The following ADGRL2 variants were observed in gnomAD, a reference collection of about 807,000 sequenced individuals.
ADGRL2 encodes calcium-independent alpha-latrotoxin receptor 2.
Under a neutral mutation model 157.4 loss-of-function variants are expected in ADGRL2, and 44 were observed. That is an observed-to-expected ratio of 0.28 (90% confidence interval 0.22 to 0.36). ADGRL2 has a LOEUF of 0.36. Among genes scored for constraint, ADGRL2 ranks in the 10% least tolerant of loss-of-function variants. The probability of loss-of-function intolerance (pLI) is 1.00; values close to 1 mark genes in which losing one functional copy is unlikely to be tolerated. For missense variants in ADGRL2, 1,510 were observed against 1,768.9 expected, an observed-to-expected ratio of 0.85 and a Z score of 2.63; for synonymous variants, 585 against 624.7, an observed-to-expected ratio of 0.94 and a Z score of 0.95.
chr1:81,372,035 C>T (rs148166717), intron 1 of ADGRL2, among the ~76,000 whole-genome samples: 1 of 152,194 alleles, frequency 6.6e-6, no homozygotes, highest in African/African-American at 2.4e-5. Context: ...AGATCTCTGT[C>T]CCGAGACCAG....
At chr1:81,458,962 G>A (rs1350481895) in intron 2 of ADGRL2, among the ~76,000 whole-genome samples, 2 of 152,136 alleles carry the variant, frequency 1.3e-5, no homozygotes, top group Non-Finnish European at 2.9e-5. Flanking sequence ...GTGGGGCAGA[G>A]AATAATTTTA....
intron 3 of ADGRL2, among the ~76,000 whole-genome samples, chr1:81,651,089 A>T (rs191348911): frequency 1.3e-5 from 2 of 152,336 alleles, no homozygotes; most frequent in African/African-American, 4.8e-5. Context: ...TTTAAGGGAG[A>T]TCAGAATAGA....
rs182433715 is a variant in ADGRL2, at chr1:81,502,500, C to G, written c.-248+57411C>G. The G allele has an allele frequency of 5.9e-5, 96 of 1,614,034 alleles. No individual in the cohort carries two copies. In the East Asian group the frequency reaches 1.6e-3, roughly 26 times the overall value. ...AGGCGGACCCCCATCAACCGAATCC[C>G]CATCATGGCCAAACAGATCCTGGAC... On this transcript the variant is annotated intron_variant, in intron 2 of 24. Transcript: ENST00000370721.
At chr1:81,439,938 C>T (rs2077476611) in intron 1 of ADGRL2, among the ~76,000 whole-genome samples, 1 of 152,200 alleles carries the variant, frequency 6.6e-6, no homozygotes. Context: ...ATGAAAATGG[C>T]TCTAAAAGGC....
intron 2 of ADGRL2, among the ~76,000 whole-genome samples, chr1:81,786,162 A>G (rs931626994): frequency 4.6e-5 from 7 of 152,338 alleles, no homozygotes; most frequent in African/African-American, 1.7e-4. Flanking sequence ...GTGTTGGCCT[A>G]TAATCATGCT....
intron 1 of ADGRL2, among the ~76,000 whole-genome samples, chr1:81,743,545 A>C (rs898876334): frequency 3.3e-5 from 5 of 152,034 alleles, no homozygotes; most frequent in Admixed American, 1.3e-4. Flanking sequence ...AGGAATTATT[A>C]TTAGAAGAAT....
intron 3 of ADGRL2, among the ~76,000 whole-genome samples, chr1:81,604,645 A>T (rs1378838782): frequency 6.6e-6 from 1 of 152,174 alleles, no homozygotes; most frequent in Non-Finnish European, 1.5e-5. Context: ...TCATGGGCAA[A>T]TCAAGAGAGC....
chr1:81,595,208 G>A (rs926897545), intron 3 of ADGRL2, among the ~76,000 whole-genome samples: 7 of 152,156 alleles, frequency 4.6e-5, no homozygotes, highest in Admixed American at 4.6e-4. Context: ...GTTTAAAATT[G>A]AGAAGTGCAA....
At chr1:81,549,375 C>A (rs535749019) in intron 2 of ADGRL2, among the ~76,000 whole-genome samples, 1 of 152,292 alleles carries the variant, frequency 6.6e-6, no homozygotes, top group African/African-American at 2.4e-5. Context: ...TCTGCAACCA[C>A]AAAATAGTTT....
At chr1:81,690,884 C>A (rs2083318745) in intron 3 of ADGRL2, among the ~76,000 whole-genome samples, 1 of 152,132 alleles carries the variant, frequency 6.6e-6, no homozygotes, top group Admixed American at 6.5e-5. Flanking sequence ...GTAATCTAAA[C>A]CTTATTGGGC....
At chr1:81,648,791 A>G (rs2082359217) in intron 3 of ADGRL2, among the ~76,000 whole-genome samples, 1 of 152,204 alleles carries the variant, frequency 6.6e-6, no homozygotes, top group African/African-American at 2.4e-5. Flanking sequence ...GCCTGAAATA[A>G]TTGAGAAAAG....
chr1:81,391,227 G>A (rs1311628636), intron 1 of ADGRL2, among the ~76,000 whole-genome samples: 6 of 152,304 alleles, frequency 3.9e-5, no homozygotes, highest in Non-Finnish European at 8.8e-5. Flanking sequence ...CCGGACTGTT[G>A]ATATAGGAGT....
chr1:81,986,802 G>T, intron 21 of ADGRL2, 99 bp from the exon 22 acceptor site: 2 of 1,237,986 alleles, frequency 1.6e-6, no homozygotes, highest in Non-Finnish European at 2.3e-6. Context: ...CACTACCCTT[G>T]ATGAATATAA....
chr1:81,319,909 C>A (rs1170281555), intron 1 of ADGRL2, among the ~76,000 whole-genome samples: 1 of 152,124 alleles, frequency 6.6e-6, no homozygotes, highest in Admixed American at 6.6e-5. Context: ...AATAAGACAA[C>A]AATGAAGTTT....
intron 1 of ADGRL2, among the ~76,000 whole-genome samples, chr1:81,311,021 T>A (rs909687525): frequency 6.6e-6 from 1 of 152,154 alleles, no homozygotes; most frequent in Non-Finnish European, 1.5e-5. Flanking sequence ...TCTAAAAAGA[T>A]GTCAATTTCC....
intron 1 of ADGRL2, among the ~76,000 whole-genome samples, chr1:81,812,761 C>T (rs778135395): frequency 3.3e-5 from 5 of 151,716 alleles, no homozygotes; most frequent in Admixed American, 1.3e-4. Flanking sequence ...AACAGAAAAA[C>T]GATCGCTTTG....
At chr1:81,355,916 C>G (rs78091045) in intron 1 of ADGRL2, among the ~76,000 whole-genome samples, 14,568 of 145,008 alleles carry the variant, frequency 0.1, 931 homozygotes, top group Non-Finnish European at 0.13. Context: ...AGACCCTCAT[C>G]TTGTGCCAAA....
Position 81,427,888 on chromosome 1 carries a change from G to GTAGCT in ADGRL2, c.-301-17146_-301-17142dup, listed in dbSNP as rs2077247413. On this transcript the variant is annotated intron_variant, in intron 1 of 24. Coordinates refer to the ADGRL2 transcript ENST00000370721. Reference sequence around the variant, plus strand: ...ATACTCCTGAGGTCTTTTATCTGTGGTAGCTTTTTCTTCTTCTTTTTCTTT... The same window carrying GTAGCT: ...ATACTCCTGAGGTCTTTTATCTGTGGTAGCTTAGCTTTTTCTTCTTCTTTTTCTTT... Among the ~76,000 whole-genome samples, 3 of 152,284 alleles carry GTAGCT rather than the reference G, an allele frequency of 2.0e-5. No individual in the cohort carries two copies. In the South Asian group the frequency reaches 6.2e-4, roughly 32 times the overall value.
At position 81,972,807 on chromosome 1, in the gene ADGRL2, G is replaced by A. The variant is rs148465609; in HGVS notation, c.3021+889G>A. 9.9e-5 allele frequency among the ~76,000 whole-genome samples: 15 copies of A among 151,958 alleles called. No homozygotes were observed. The East Asian group carries it at 2.9e-3, about 29-fold the overall frequency. ...CATTCCTGTAGTCCCAGATACTCAG[G>A]AGGCAGAGGCAGAAGGATCTCTTGT... On this transcript the variant is annotated intron_variant, in intron 17 of 23. Coordinates refer to ENST00000686636, the MANE Select transcript of ADGRL2 (RefSeq NM_001366006.2).
Sources: gnomAD v4.1 joint callset for allele counts (sites outside exome capture counted in the v4.1 genomes callset) on GRCh38, gnomAD v4.1.1 for gene constraint, MANE v1.5 for transcripts, NCBI Gene and HGNC (gene_info 2026-07-23, HGNC 2026-07-21) for gene names.